The following GRIN2B variants were observed in gnomAD, a reference collection of about 807,000 sequenced individuals.
The protein encoded by GRIN2B is glutamate receptor ionotropic, NMDA 2B.
Under a neutral mutation model 114.5 loss-of-function variants are expected in GRIN2B, and 5 were observed. That is an observed-to-expected ratio of 0.04 (90% CI 0.02 to 0.09). The LOEUF is 0.09. Ranked by LOEUF, GRIN2B falls within the 10% of genes least tolerant of loss-of-function variation. The pLI, the probability that GRIN2B is intolerant of heterozygous loss-of-function variation, is 1.00. For missense variants in GRIN2B, 1,108 were observed against 1,943.5 expected (o/e 0.57, Z 8.08); for synonymous variants, 787 against 745.1 (o/e 1.06, Z -0.92).
At chr12:13,802,628 A>C (rs887174659) in intron 3 of GRIN2B, among the ~76,000 whole-genome samples, 1 of 152,184 alleles carries the variant, frequency 6.6e-6, no homozygotes, top group African/African-American at 2.4e-5. Context: ...AATTATGTAG[A>C]AAGATGTTTC....
intron 10 of GRIN2B, among the ~76,000 whole-genome samples, chr12:13,606,577 G>A (rs987092066): frequency 1.3e-5 from 2 of 152,170 alleles, no homozygotes; most frequent in Non-Finnish European, 2.9e-5. Flanking sequence ...GATTTAAAGG[G>A]ATCAGACATC....
intron 3 of GRIN2B, among the ~76,000 whole-genome samples, chr12:13,783,401 T>C (rs183057620): frequency 3.2e-5 from 3 of 92,850 alleles, no homozygotes; most frequent in African/African-American, 1.0e-4. Context: ...ATCTCCAAAA[T>C]ATAGGACAAG....
chr12:13,729,428 T>G (rs534554506), intron 4 of GRIN2B, among the ~76,000 whole-genome samples: 1 of 152,162 alleles, frequency 6.6e-6, no homozygotes, highest in African/African-American at 2.4e-5. Context: ...AGCTTTTGTA[T>G]GATGAAGATT....
At chr12:13,889,831 A>G (rs1322819513) in intron 2 of GRIN2B, among the ~76,000 whole-genome samples, 1 of 152,244 alleles carries the variant, frequency 6.6e-6, no homozygotes, top group African/African-American at 2.4e-5. Flanking sequence ...ATCTGAGCCC[A>G]GGAAGCTAAC....
intron 4 of GRIN2B, among the ~76,000 whole-genome samples, chr12:13,695,818 T>C (rs1950254551): frequency 6.6e-6 from 1 of 152,164 alleles, no homozygotes; most frequent in African/African-American, 2.4e-5. Context: ...AAGCGGCTCA[T>C]AGTGTAGATA....
intron 3 of GRIN2B, among the ~76,000 whole-genome samples, chr12:13,771,214 A>T (rs948485810): frequency 8.5e-5 from 13 of 152,164 alleles, no homozygotes; most frequent in African/African-American, 2.7e-4. Flanking sequence ...GCAATGTAAG[A>T]CATGCCTTGC....
Position 13,552,661 on chromosome 12 carries a change from A to G in GRIN2B, c.*10122T>C, listed in dbSNP as rs1347967777. The G allele has an allele frequency of 8.3e-6, 1 of 120,404 alleles. No individual in the cohort carries two copies. Among genetic ancestry groups the G allele is most frequent in the Non-Finnish European group, 1.9e-5 (1 of 53,992 alleles). The allele number at this position is 120,404 out of a possible 1,614,324, so 7.5% of individuals were successfully genotyped here. On this transcript the variant is annotated 3_prime_UTR_variant, in exon 14 of 14. Transcript: ENST00000609686. ...TACCAGATAATTTGTTTCATCAGCT[A>G]AAAAAAAAAGTCTCATAGTATAATG...
rs749509623 is a variant in GRIN2B, at chr12:13,538,212, C to A, written c.*24571G>T. The A allele has an allele frequency of 6.6e-6, 1 of 152,210 alleles. No individual in the cohort carries two copies. The highest frequency in any genetic ancestry group is 2.4e-5 in the African/African-American group (1 of 41,418). 9.4% of individuals were successfully genotyped at this position (152,210 alleles called of 1,614,324 possible). A position where few individuals can be genotyped will look rare whatever the true frequency, so the allele number is the denominator to read the frequency against. On this transcript the variant is annotated 3_prime_UTR_variant, in exon 14 of 14. Transcript: ENST00000609686. The stretch of plus-strand genomic sequence containing the variant: ...AACAGTTGGCTGATGGGGACACAAC[C>A]GGGTGCTCCCTCAGCCTTTCATTAG...
At chr12:13,699,224 G>A (rs1217648828) in intron 4 of GRIN2B, among the ~76,000 whole-genome samples, 1 of 151,956 alleles carries the variant, frequency 6.6e-6, no homozygotes, top group Non-Finnish European at 1.5e-5. Context: ...ATATGCCTTG[G>A]GAAAGTTGGC....
At chr12:13,653,220 G>GA (rs1358900424) in intron 5 of GRIN2B, among the ~76,000 whole-genome samples, 2 of 152,138 alleles carry the variant, frequency 1.3e-5, no homozygotes, top group Non-Finnish European at 2.9e-5. Context: ...AGTAGATTGT[G>GA]ATGCCAACAT....
intron 3 of GRIN2B, among the ~76,000 whole-genome samples, chr12:13,810,252 G>A (rs913131962): frequency 1.1e-4 from 16 of 146,474 alleles, no homozygotes; most frequent in African/African-American, 4.1e-4. Context: ...GGCTTGCTCT[G>A]TTGCCCAGGC....
At chr12:13,646,422 G>T (rs1949762172) in intron 5 of GRIN2B, among the ~76,000 whole-genome samples, 1 of 152,082 alleles carries the variant, frequency 6.6e-6, no homozygotes, top group Admixed American at 6.6e-5. Flanking sequence ...ATAAAAAGTG[G>T]TAGATATTAT....
intron 4 of GRIN2B, among the ~76,000 whole-genome samples, chr12:13,693,281 A>G (rs1950230695): frequency 6.6e-6 from 1 of 152,184 alleles, no homozygotes; most frequent in African/African-American, 2.4e-5. Context: ...CTATCGATGA[A>G]GTTAAGTGAA....
intron 2 of GRIN2B, among the ~76,000 whole-genome samples, chr12:13,957,928 C>T (rs1315500800): frequency 6.6e-6 from 1 of 152,154 alleles, no homozygotes; most frequent in Non-Finnish European, 1.5e-5. Flanking sequence ...GCTGACATGT[C>T]CAAGGAGGAA....
intron 4 of GRIN2B, chr12:13,683,480 A>G (rs1950149551): frequency 6.6e-6 from 1 of 152,154 alleles, no homozygotes; most frequent in Non-Finnish European, 1.5e-5. Flanking sequence ...CTTCACCATA[A>G]AAAATATAAA....
intron 2 of GRIN2B, among the ~76,000 whole-genome samples, chr12:13,909,786 T>C (rs1176537855): frequency 6.6e-6 from 1 of 152,148 alleles, no homozygotes; most frequent in African/African-American, 2.4e-5. Context: ...GTGCTGTAAA[T>C]CACAGACAAA....
At position 13,567,045 on chromosome 12, in the gene GRIN2B, T is replaced by C. The variant is rs765724909; in HGVS notation, c.2578A>G (p.Met860Val). The change falls in exon 13 of 14, where the codon ATG becomes GTG. Residue 860 changes from methionine to valine, a missense_variant. Met to Val is a conservative substitution (Grantham distance 21). Coordinates refer to ENST00000609686, the MANE Select transcript of GRIN2B (RefSeq NM_000834.5). ...FMGVCSGKPGMVFSISRGIYS... is the reference protein window; with the variant it reads ...FMGVCSGKPGVVFSISRGIYS... ...CTTACTCTGCTGATGGAGAAGACCA[T>C]GCCAGGCTTGCCAGAACAGACACCC... The C allele has an allele frequency of 8.1e-6, 13 of 1,613,106 alleles. No individual in the cohort carries two copies. Among genetic ancestry groups the C allele is most frequent in the East Asian group, 2.2e-5 (1 of 44,888 alleles).
At chr12:13,669,006 T>G (rs1010512117) in intron 5 of GRIN2B, among the ~76,000 whole-genome samples, 75 of 7,246 alleles carry the variant, frequency 0.01, no homozygotes, top group Non-Finnish European at 0.01. Flanking sequence ...GGAGGGGAGG[T>G]GGGGAGGGGA....
At chr12:13,903,280 T>C (rs1354873947) in intron 2 of GRIN2B, among the ~76,000 whole-genome samples, 2 of 152,172 alleles carry the variant, frequency 1.3e-5, no homozygotes, top group Non-Finnish European at 2.9e-5. Context: ...CGTACTCTTT[T>C]AATTTTATTC....
Sources: gnomAD v4.1 joint callset for allele counts (sites outside exome capture counted in the v4.1 genomes callset) on GRCh38, gnomAD v4.1.1 for gene constraint, MANE v1.5 for transcripts, NCBI Gene and HGNC (gene_info 2026-07-23, HGNC 2026-07-21) for gene names.